Variants in PCDHGA10 observed in about 807,000 individuals in gnomAD.
PCDHGA10 encodes the protein protocadherin gamma subfamily A, 10.
In PCDHGA10, 42 loss-of-function variants were observed where a neutral mutation model predicts 59.5. The ratio of observed to expected loss-of-function variants is 0.71; its 90% confidence interval spans 0.55 to 0.91. PCDHGA10 has a LOEUF of 0.91. Among genes scored for constraint, PCDHGA10 ranks in the 40% least tolerant of loss-of-function variants. The pLI is 0.00. For synonymous variants in PCDHGA10, 511 were observed against 517.2 expected, an observed-to-expected ratio of 0.99 and a Z score of 0.16; for missense variants, 1,111 against 1,198.2, an observed-to-expected ratio of 0.93 and a Z score of 1.07.
intron 1 of PCDHGA10, chr5:141,423,368 C>A: frequency 3.1e-6 from 5 of 1,614,200 alleles, no homozygotes; most frequent in Non-Finnish European, 4.2e-6. Context: ...GTGCTGCTGG[C>A]ACTCAGGCTG....
chr5:141,480,112 C>T (rs531082602), intron 1 of PCDHGA10, among the ~76,000 whole-genome samples: 2 of 152,190 alleles, frequency 1.3e-5, no homozygotes, highest in Admixed American at 1.3e-4. Flanking sequence ...TAGCATGGTG[C>T]CTGGCATATC....
At chr5:141,492,601 C>T (rs1374321466) in intron 1 of PCDHGA10, among the ~76,000 whole-genome samples, 2 of 152,220 alleles carry the variant, frequency 1.3e-5, no homozygotes, top group East Asian at 3.9e-4. Context: ...GGAGCGACTG[C>T]CGCTCTAAGT....
Position 141,414,310 on chromosome 5 carries a change from G to C in PCDHGA10, c.1135G>C (p.Asp379His). 1 of 1,613,722 alleles carries C rather than the reference G, an allele frequency of 6.2e-7. No individual in the cohort carries two copies. Among genetic ancestry groups the C allele is most frequent in the Non-Finnish European group, 8.5e-7 (1 of 1,179,802 alleles). ...VVALLNVHDL[D>H]SEQNGQVTCS... ...AGCCCTTTTAAATGTGCATGATTTA[G>C]ACTCTGAGCAGAATGGACAGGTAAC... Residue 379 changes from aspartate to histidine, a missense_variant, in exon 1 of 4, where the codon GAC (aspartate) becomes CAC (histidine). By Grantham distance (81) the Asp-to-His change is moderately conservative (BLOSUM62 -1). Transcript: ENST00000398610.
chr5:141,495,982 T>C (rs2099765062), intron 2 of PCDHGA10, among the ~76,000 whole-genome samples: 2 of 152,144 alleles, frequency 1.3e-5, no homozygotes. Context: ...TACTCTTTCT[T>C]TATCTCTCTT....
At position 141,505,383 on chromosome 5, in the gene PCDHGA10, C is replaced by G. The variant is rs369765886; in HGVS notation, c.2496-10C>G. On this transcript the variant is annotated splice_polypyrimidine_tract_variant and intron_variant, in intron 2 of 3. Transcript: ENST00000398610. ...GGGAGTCTGTGCTCACCATCCTACT[C>G]TCTCCCCAGCTCCCAAAATGGCGAT... The G allele has an allele frequency of 6.2e-7, 1 of 1,613,944 alleles. No homozygotes were observed. The highest frequency in any genetic ancestry group is 1.3e-5 in the African/African-American group (1 of 74,914).
chr5:141,415,740 G>GTTTT lies in PCDHGA10; in HGVS notation c.2436+158_2436+161dup, dbSNP rs57426385. ...TGAGTAGAATTTGATGTTTATTAAG[G>GTTTT]TTTTTTTTTTTTTTTTTTTTTTTTT... On this transcript the variant is annotated intron_variant, in intron 1 of 3. Transcript: ENST00000398610. 3.9e-3 allele frequency: 2,454 copies of GTTTT among 623,032 alleles called. 15 individuals carry two copies. Among genetic ancestry groups the GTTTT allele is most frequent in the South Asian group, 7.6e-3 (262 of 34,698 alleles). 38.6% of individuals were successfully genotyped at this position (623,032 alleles called of 1,614,324 possible).
In PCDHGA10 at chr5:141,512,926, T is replaced by C. The variant is rs1438111849; in HGVS notation, c.*1753T>C. The C allele has an allele frequency of 6.6e-6, 1 of 152,216 alleles. No homozygotes were observed. The highest frequency in any genetic ancestry group is 1.5e-5 in the Non-Finnish European group (1 of 68,048). 9.4% of individuals were successfully genotyped at this position (152,216 alleles called of 1,614,324 possible). A position where few individuals can be genotyped will look rare whatever the true frequency, so the allele number is the denominator to read the frequency against. On this transcript the variant is annotated 3_prime_UTR_variant, in exon 4 of 4. Coordinates refer to ENST00000398610, the MANE Select transcript of PCDHGA10 (RefSeq NM_018913.3). ...CGCAAGTTTTATACTCTAATATTTA[T>C]ATGGCTTTTTTTCTTCGACAAAAAA...
Position 141,486,650 on chromosome 5 carries a change from T to C in PCDHGA10, c.2437-8157T>C, listed in dbSNP as rs1321605826. On this transcript the variant is annotated intron_variant, in intron 1 of 3. Coordinates refer to ENST00000398610, the MANE Select transcript of PCDHGA10 (RefSeq NM_018913.3). The surrounding 1 kb of genome is among the most constrained non-coding windows in gnomAD (Gnocchi z 5.0). ...TGGCTTGAATGCGCTTATCTCCTAC[T>C]CACTCCTGGAGCCCAGGAATCGAGA... is the stretch of plus-strand genomic sequence containing the variant. The C allele has an allele frequency of 6.2e-7, 1 of 1,613,834 alleles. No individual in the cohort carries two copies. Among genetic ancestry groups the C allele is most frequent in the African/African-American group, 1.3e-5 (1 of 74,938 alleles).
At chr5:141,508,499 C>T (rs1425054102) in intron 3 of PCDHGA10, among the ~76,000 whole-genome samples, 7 of 152,212 alleles carry the variant, frequency 4.6e-5, no homozygotes, top group Non-Finnish European at 1.0e-4. Flanking sequence ...CATATCTTCT[C>T]TCCCTCCTGG....
rs2099611311 is a variant in PCDHGA10 at position 141,485,311 on chromosome 5, G to A, written c.2437-9496G>A. 3.1e-6 allele frequency: 5 copies of A among 1,614,174 alleles called. No individual in the cohort carries two copies. The East Asian group carries it at 6.7e-5, about 22-fold the overall frequency. ...AGTCACAGGAAGGGACTTTTGTAGGGAATGTCGCTCAAGATTTCCTGCTGG... is the reference window on the plus strand; with the variant it reads ...AGTCACAGGAAGGGACTTTTGTAGGAAATGTCGCTCAAGATTTCCTGCTGG... On this transcript the variant is annotated intron_variant, in intron 1 of 3. Transcript: ENST00000398610. The surrounding 1 kb of genome is among the most constrained non-coding windows in gnomAD (Gnocchi z 5.7).
At chr5:141,420,672 G>T (rs1478670282) in intron 1 of PCDHGA10, among the ~76,000 whole-genome samples, 1 of 152,296 alleles carries the variant, frequency 6.6e-6, no homozygotes, top group African/African-American at 2.4e-5. Flanking sequence ...CCTACCTGAT[G>T]ATTTTATCGG....
intron 1 of PCDHGA10, chr5:141,417,266 T>C (rs2096102700): frequency 6.6e-6 from 1 of 152,184 alleles, no homozygotes; most frequent in Non-Finnish European, 1.5e-5. Context: ...CATAGATAAT[T>C]ACTCTTAAAA....
intron 1 of PCDHGA10, among the ~76,000 whole-genome samples, chr5:141,481,782 T>C (rs1348977678): frequency 6.6e-6 from 1 of 152,008 alleles, no homozygotes; most frequent in African/African-American, 2.4e-5. Context: ...TGAAACCCCG[T>C]CTCTACTAAA....
chr5:141,481,913 CAAAAAA>C (rs34114744), intron 1 of PCDHGA10, among the ~76,000 whole-genome samples: 1 of 90,850 alleles, frequency 1.1e-5, no homozygotes. Flanking sequence ...AACTCCATCT[CAAAAAA>C]AAAAAAAAAA....
At chr5:141,509,536 A>T (rs778275338) in intron 3 of PCDHGA10, among the ~76,000 whole-genome samples, 1 of 152,130 alleles carries the variant, frequency 6.6e-6, no homozygotes, top group Non-Finnish European at 1.5e-5. Context: ...AGGATGAAGC[A>T]CCATCTCATT....
Position 141,420,935 on chromosome 5 carries a change from A to G in PCDHGA10, c.2436+5324A>G, listed in dbSNP as rs542779087. ...GTGATTCACAAAGGTGAGCGTAATCATTTCTTCTGGAATTTCTTAGTCGTT... is the reference window on the plus strand; with the variant it reads ...GTGATTCACAAAGGTGAGCGTAATCGTTTCTTCTGGAATTTCTTAGTCGTT... On this transcript the variant is annotated intron_variant, in intron 1 of 3. Coordinates refer to ENST00000398610, the MANE Select transcript of PCDHGA10 (RefSeq NM_018913.3). 2.6e-5 allele frequency: 10 copies of G among 380,486 alleles called. 1 individual carries two copies. Among genetic ancestry groups the G allele is most frequent in the African/African-American group, 1.7e-4 (8 of 47,720 alleles). The allele number at this position is 380,486 out of a possible 1,614,324, so 23.6% of individuals were successfully genotyped here.
chr5:141,510,853 CTGT>C, intron 3 of PCDHGA10, 91 bp from the exon 4 acceptor site: 3 of 1,601,238 alleles, frequency 1.9e-6, no homozygotes, highest in Middle Eastern at 1.7e-4. Context: ...GCCCAGGGTG[CTGT>C]ATAGGCATTC....
At chr5:141,420,651 T>A (rs1357679146) in intron 1 of PCDHGA10, among the ~76,000 whole-genome samples, 1 of 152,274 alleles carries the variant, frequency 6.6e-6, no homozygotes, top group East Asian at 1.9e-4. Flanking sequence ...GTAAGAATTA[T>A]AGTTAGGCAT....
intron 1 of PCDHGA10, chr5:141,442,421 T>G (rs1288481455): frequency 1.3e-5 from 2 of 152,290 alleles, no homozygotes; most frequent in East Asian, 3.9e-4. Flanking sequence ...TGAACTTCTT[T>G]TTTGAATCCC....
Sources: gnomAD v4.1 joint callset for allele counts (sites outside exome capture counted in the v4.1 genomes callset) on GRCh38, gnomAD v4.1.1 for gene constraint, Gnocchi (gnomAD v3.1) non-coding constraint, MANE v1.5 for transcripts, NCBI Gene and HGNC (gene_info 2026-07-23, HGNC 2026-07-21) for gene names.